DOCK5: variants seen among roughly 807,000 people sequenced by gnomAD.
DOCK5 encodes dedicator of cytokinesis protein 5.
DOCK5 carries 142 observed loss-of-function variants against 251.8 expected under a neutral mutation model. The ratio of observed to expected loss-of-function variants is 0.56; its 90% CI spans 0.49 to 0.65. DOCK5 has a LOEUF of 0.65. Among genes scored for constraint, DOCK5 ranks in the 30% least tolerant of loss-of-function variants. DOCK5 has a pLI of 0.00. For synonymous variants in DOCK5, 842 were observed against 835.5 expected (o/e 1.01, Z -0.13); for missense variants, 2,111 against 2,312.3 (o/e 0.91, Z 1.79).
intron 1 of DOCK5, among the ~76,000 whole-genome samples, chr8:25,222,823 C>T (rs921514368): frequency 3.9e-5 from 6 of 152,200 alleles, no homozygotes; most frequent in Non-Finnish European, 8.8e-5. Context: ...AGCAGATTCC[C>T]ATCATCCAGT....
At chr8:25,404,899 T>A (rs971247031) in intron 48 of DOCK5, among the ~76,000 whole-genome samples, 2 of 152,220 alleles carry the variant, frequency 1.3e-5, no homozygotes, top group African/African-American at 2.4e-5. Flanking sequence ...TTAGTCTTTT[T>A]AAATTTTACC....
chr8:25,331,799 TATAGAGAGAGAGAG>T (rs771303195), intron 18 of DOCK5, among the ~76,000 whole-genome samples: 701 of 48,946 alleles, frequency 0.014, 5 homozygotes, highest in African/African-American at 0.033. Context: ...TATATATATA[TATAGAGAGAGAGAG>T]AGAGAGAGAG....
chr8:25,411,440 T>G lies in DOCK5; in HGVS notation c.*142T>G, dbSNP rs1801630916. ...ATGATGTTTACCAGCCCAAAACCAG[T>G]CATGTTCTTCCAAAAGCTTCTCTTT... On this transcript the variant is annotated 3_prime_UTR_variant, in exon 52 of 52. Coordinates refer to ENST00000276440, the MANE Select transcript of DOCK5 (RefSeq NM_024940.8). 3.9e-5 allele frequency: 45 copies of G among 1,167,754 alleles called. No homozygotes were observed. In the South Asian group the frequency reaches 1.3e-3, roughly 35 times the overall value. The allele number at this position is 1,167,754 out of a possible 1,614,324, so 72.3% of individuals were successfully genotyped here. A position where few individuals can be genotyped will look rare whatever the true frequency, so the allele number is the denominator to read the frequency against.
At chr8:25,317,785 G>T (rs1341395555) in intron 14 of DOCK5, among the ~76,000 whole-genome samples, 1 of 152,112 alleles carries the variant, frequency 6.6e-6, no homozygotes, top group Non-Finnish European at 1.5e-5. Flanking sequence ...TAATTTTTTT[G>T]TATTTTTATT....
Position 25,298,977 on chromosome 8 carries a change from T to C in DOCK5, c.640T>C (p.Ser214Pro). 1 of 1,613,444 alleles carries C rather than the reference T, an allele frequency of 6.2e-7. No individual in the cohort carries two copies. The change falls in exon 8 of 52, where the codon TCC (serine) becomes CCC (proline). Residue 214 changes from serine to proline, a missense_variant. By Grantham distance (74) the Ser-to-Pro change is moderately conservative. Transcript: ENST00000276440. ...ILQNLDLRGQ[S>P]IFSTIHTYGL... is the part of the protein sequence containing the mutation. ...GCAGAACCTCGATTTGCGGGGCCAG[T>C]CCATCTTCAGTACCATCCACACCTA...
chr8:25,195,239 G>T (rs543324101), intron 1 of DOCK5, among the ~76,000 whole-genome samples: 1 of 147,918 alleles, frequency 6.8e-6, no homozygotes, highest in South Asian at 2.1e-4. Flanking sequence ...CTTCTAACTG[G>T]ACTCCTTATC....
intron 2 of DOCK5, among the ~76,000 whole-genome samples, chr8:25,265,650 G>A (rs1172110278): frequency 6.6e-6 from 1 of 151,746 alleles, no homozygotes; most frequent in Non-Finnish European, 1.5e-5. Context: ...TAATCTTCAT[G>A]TGAACTCTTG....
chr8:25,203,556 A>G (rs1801929365), intron 1 of DOCK5, among the ~76,000 whole-genome samples: 1 of 152,194 alleles, frequency 6.6e-6, no homozygotes, highest in Non-Finnish European at 1.5e-5. Context: ...TCCGATTCTG[A>G]CAACATGACT....
At chr8:25,391,201 GTGTGTGTGTGTGTGTGT>G (rs1801253726) in intron 42 of DOCK5, among the ~76,000 whole-genome samples, 115 of 139,726 alleles carry the variant, frequency 8.2e-4, no homozygotes, top group East Asian at 1.7e-3. Flanking sequence ...CCACACCTGT[GTGTGTGTGTGTGTGTGT>G]GTGTGTGTGT....
intron 30 of DOCK5, among the ~76,000 whole-genome samples, chr8:25,366,120 C>G (rs754275866): frequency 6.6e-6 from 1 of 152,080 alleles, no homozygotes; most frequent in East Asian, 1.9e-4. Flanking sequence ...ATTCTTCTTA[C>G]GAACATTTAG....
At chr8:25,373,543 T>G in intron 35 of DOCK5, 75 bp from the exon 36 acceptor site, 1 of 1,376,306 alleles carries the variant, frequency 7.3e-7, no homozygotes, top group Non-Finnish European at 1.0e-6. Context: ...AAAGCAACAA[T>G]AGTGGTTTGT....
At chr8:25,212,273 GGATCAA>G (rs1802131048) in intron 1 of DOCK5, among the ~76,000 whole-genome samples, 1 of 69,802 alleles carries the variant, frequency 1.4e-5, no homozygotes, top group African/African-American at 3.2e-5. Flanking sequence ...ATTAACAAGA[GGATCAA>G]GATTTTTCCA....
intron 2 of DOCK5, among the ~76,000 whole-genome samples, chr8:25,256,623 A>G (rs897736035): frequency 7.1e-6 from 1 of 141,160 alleles, no homozygotes. Context: ...TGGTCGACAG[A>G]GCGAATCTCC....
Position 25,403,768 on chromosome 8 carries a change from C to A in DOCK5, c.5093+44C>A, listed in dbSNP as rs777631404. ...ATCTGCAGGAAGGGTGGGGTAACGCCTTACTAATGTTTGCCTTTAGCCACG... is the reference window on the plus strand; with the variant it reads ...ATCTGCAGGAAGGGTGGGGTAACGCATTACTAATGTTTGCCTTTAGCCACG... On this transcript the variant is annotated intron_variant, in intron 48 of 51. Transcript: ENST00000276440. 3.8e-6 allele frequency: 6 copies of A among 1,594,138 alleles called. No individual in the cohort carries two copies. In the Middle Eastern group the frequency reaches 6.7e-4, roughly 178 times the overall value.
At chr8:25,358,354 C>T (rs76506454) in intron 27 of DOCK5, among the ~76,000 whole-genome samples, 4 of 152,260 alleles carry the variant, frequency 2.6e-5, no homozygotes, top group South Asian at 2.1e-4. Context: ...CTCACTATCA[C>T]GAGACTAGCA....
chr8:25,289,966 A>G (rs1804445712), intron 5 of DOCK5, among the ~76,000 whole-genome samples: 1 of 152,204 alleles, frequency 6.6e-6, no homozygotes, highest in Admixed American at 6.5e-5. Flanking sequence ...CGCAGTACCT[A>G]AAGTAACATC....
chr8:25,279,991 C>T (rs896807530), intron 5 of DOCK5, among the ~76,000 whole-genome samples: 1 of 152,168 alleles, frequency 6.6e-6, no homozygotes, highest in African/African-American at 2.4e-5. Flanking sequence ...TCTTGAACTC[C>T]TGACCTCAAG....
At chr8:25,410,814 C>A (rs1233095537) in intron 51 of DOCK5, among the ~76,000 whole-genome samples, 1 of 151,548 alleles carries the variant, frequency 6.6e-6, no homozygotes, top group East Asian at 2.0e-4. Flanking sequence ...GAATAAAGGA[C>A]AGTCATTCTG....
chr8:25,278,167 G>T (rs981992519), intron 4 of DOCK5, among the ~76,000 whole-genome samples: 4 of 152,096 alleles, frequency 2.6e-5, no homozygotes, highest in African/African-American at 9.7e-5. Context: ...CACAGCCCCA[G>T]GACACTCGTG....
Sources: allele counts gnomAD v4.1 joint callset (sites outside exome capture counted in the v4.1 genomes callset), GRCh38; gene constraint gnomAD v4.1.1; transcripts MANE v1.5; gene names NCBI Gene and HGNC (gene_info 2026-07-23, HGNC 2026-07-21).